SCN11A: variants seen among roughly 807,000 people sequenced by gnomAD.
SCN11A encodes the protein sodium channel protein type 11 subunit alpha.
Under a neutral mutation model 162.2 loss-of-function variants are expected in SCN11A, and 122 were observed. The ratio of observed to expected loss-of-function variants is 0.75; its 90% CI spans 0.65 to 0.87. The LOEUF (loss-of-function observed/expected upper bound fraction) is 0.87. SCN11A is among the 40% of genes least tolerant of loss of function. The probability of loss-of-function intolerance (pLI) is 0.00; values close to 1 mark genes in which losing one functional copy is unlikely to be tolerated. For synonymous variants in SCN11A, 758 were observed against 751.5 expected, an observed-to-expected ratio of 1.01 and a Z score of -0.14; for missense variants, 2,015 against 2,181.6, an observed-to-expected ratio of 0.92 and a Z score of 1.52.
chr3:38,941,350 C>G (rs188418623), intron 7 of SCN11A, among the ~76,000 whole-genome samples: 145 of 152,142 alleles, frequency 9.5e-4, no homozygotes, highest in Admixed American at 2.4e-3. Flanking sequence ...ATTTTCAGAT[C>G]AATATAAACT....
intron 17 of SCN11A, among the ~76,000 whole-genome samples, chr3:38,899,441 A>G (rs1057244923): frequency 6.6e-6 from 1 of 152,230 alleles, no homozygotes; most frequent in Non-Finnish European, 1.5e-5. Flanking sequence ...CTTGTGAGAT[A>G]GATAGCACCT....
chr3:38,875,645 C>T (rs2065195117), intron 23 of SCN11A, among the ~76,000 whole-genome samples: 1 of 152,042 alleles, frequency 6.6e-6, no homozygotes, highest in Non-Finnish European at 1.5e-5. Context: ...TAGGAATATA[C>T]CTAACCAAGG....
chr3:38,896,844 C>A lies in SCN11A; in HGVS notation c.2403+1G>T. 2.7e-6 allele frequency: 4 copies of A among 1,476,228 alleles called. No homozygotes were observed. Among genetic ancestry groups the A allele is most frequent in the Non-Finnish European group, 3.6e-6 (4 of 1,110,060 alleles). 91.4% of individuals were successfully genotyped at this position (1,476,228 alleles called of 1,614,324 possible). ...TTTTGAAAAAAATCTAAGACACATACCACAAGTTTTCCTATCACCGTGATC... is the reference window on the plus strand; with the variant it reads ...TTTTGAAAAAAATCTAAGACACATAACACAAGTTTTCCTATCACCGTGATC... On this transcript the variant is annotated splice_donor_variant, in intron 18 of 29. Transcript: ENST00000302328. LOFTEE classifies it high-confidence loss of function.
intron 2 of SCN11A, among the ~76,000 whole-genome samples, chr3:38,980,218 T>C (rs2029976953): frequency 6.6e-6 from 1 of 151,758 alleles, no homozygotes; most frequent in Non-Finnish European, 1.5e-5. Context: ...AAAATATCTC[T>C]TTCTGCTTTC....
At chr3:38,853,455 A>T (rs2064815901) in intron 28 of SCN11A, among the ~76,000 whole-genome samples, 2 of 152,230 alleles carry the variant, frequency 1.3e-5, no homozygotes, top group South Asian at 2.1e-4. Context: ...ATATAATTTT[A>T]TCATTAACCC....
intron 2 of SCN11A, among the ~76,000 whole-genome samples, chr3:38,981,779 C>G (rs1020459903): frequency 6.6e-6 from 1 of 151,922 alleles, no homozygotes; most frequent in Non-Finnish European, 1.5e-5. Flanking sequence ...CTGAGGCAGG[C>G]GGATCACCTG....
intron 7 of SCN11A, among the ~76,000 whole-genome samples, chr3:38,929,149 A>G (rs1284439501): frequency 8.3e-6 from 1 of 120,520 alleles, no homozygotes; most frequent in Non-Finnish European, 1.9e-5. Context: ...ACACACACAC[A>G]CACACACACA....
intron 1 of SCN11A, among the ~76,000 whole-genome samples, chr3:39,042,709 G>A (rs1486252474): frequency 1.3e-5 from 2 of 152,076 alleles, no homozygotes; most frequent in East Asian, 1.9e-4. Flanking sequence ...TGTAATCCCA[G>A]CACTTTGGGA....
At chr3:39,030,882 G>T (rs2031732094) in intron 2 of SCN11A, among the ~76,000 whole-genome samples, 1 of 152,194 alleles carries the variant, frequency 6.6e-6, no homozygotes, top group African/African-American at 2.4e-5. Context: ...TTCCTGAAAA[G>T]ATACTTTGGT....
At chr3:38,859,318 T>G (rs1010576496) in intron 28 of SCN11A, among the ~76,000 whole-genome samples, 1 of 151,892 alleles carries the variant, frequency 6.6e-6, no homozygotes, top group African/African-American at 2.4e-5. Flanking sequence ...TAAGCTCAAT[T>G]AAAAATGATA....
intron 20 of SCN11A, among the ~76,000 whole-genome samples, chr3:38,885,862 C>T (rs572642817): frequency 3.3e-5 from 5 of 152,268 alleles, no homozygotes; most frequent in South Asian, 2.1e-4. Context: ...CCTTAACTGG[C>T]GGATGCTACT....
intron 7 of SCN11A, among the ~76,000 whole-genome samples, chr3:38,935,473 T>C (rs1353150884): frequency 5.3e-5 from 8 of 151,644 alleles, no homozygotes. Flanking sequence ...AACTGATAGA[T>C]CCCTAGCAAG....
chr3:38,952,058 C>A (rs1357568971), intron 4 of SCN11A, among the ~76,000 whole-genome samples: 1 of 152,146 alleles, frequency 6.6e-6, no homozygotes, highest in East Asian at 1.9e-4. Flanking sequence ...CTGTAACACT[C>A]ACCACGAAGG....
intron 5 of SCN11A, among the ~76,000 whole-genome samples, chr3:38,949,843 C>A (rs958354926): frequency 3.9e-5 from 6 of 152,190 alleles, no homozygotes; most frequent in African/African-American, 1.4e-4. Context: ...TGTGTTTTCT[C>A]TGTTTTCCTT....
At chr3:39,046,023 G>A (rs1173658399) in intron 1 of SCN11A, among the ~76,000 whole-genome samples, 1 of 152,198 alleles carries the variant, frequency 6.6e-6, no homozygotes, top group South Asian at 2.1e-4. Flanking sequence ...ACTTTGGGGG[G>A]CCTAAGCAGG....
At chr3:38,983,619 A>G (rs2030134944) in intron 2 of SCN11A, among the ~76,000 whole-genome samples, 1 of 152,226 alleles carries the variant, frequency 6.6e-6, no homozygotes, top group African/African-American at 2.4e-5. Flanking sequence ...TTCCTCATCT[A>G]TAAGTTAATG....
At chr3:38,903,753 G>A in intron 16 of SCN11A, 112 bp downstream of exon 16, 1 of 753,712 alleles carries the variant, frequency 1.3e-6, no homozygotes, top group Non-Finnish European at 2.1e-6. Context: ...CTCCACTGAA[G>A]GGGACCAAAA....
At chr3:38,863,986 T>C (rs1559493530) in intron 27 of SCN11A, among the ~76,000 whole-genome samples, 1 of 152,126 alleles carries the variant, frequency 6.6e-6, no homozygotes, top group Non-Finnish European at 1.5e-5. Context: ...CCATGGCTGG[T>C]CTTAGAACAT....
At chr3:38,881,645 T>C (rs2065311607) in intron 22 of SCN11A, among the ~76,000 whole-genome samples, 1 of 152,212 alleles carries the variant, frequency 6.6e-6, no homozygotes, top group Non-Finnish European at 1.5e-5. Context: ...CTTGTTACAA[T>C]GTAATACTCT....
Sources: allele counts gnomAD v4.1 joint callset (sites outside exome capture counted in the v4.1 genomes callset), GRCh38; gene constraint gnomAD v4.1.1; transcripts MANE v1.5; gene names NCBI Gene and HGNC (gene_info 2026-07-23, HGNC 2026-07-21).